FOXP2: variants seen among roughly 807,000 people sequenced by gnomAD.
FOXP2 encodes the protein forkhead box P2.
FOXP2 carries 12 observed loss-of-function variants against 115.8 expected under a neutral mutation model. The observed-to-expected ratio is 0.10, with a 90% confidence interval of 0.07 to 0.17. FOXP2 has a LOEUF of 0.17. FOXP2 is among the 10% of genes least tolerant of loss of function. The pLI, the probability that FOXP2 is intolerant of heterozygous loss-of-function variation, is 1.00. For synonymous variants in FOXP2, 328 were observed against 297.7 expected (o/e 1.10, Z -1.05); for missense variants, 629 against 843.5 (o/e 0.75, Z 3.15).
intron 2 of FOXP2, among the ~76,000 whole-genome samples, chr7:114,354,348 A>G (rs1162344156): frequency 6.6e-6 from 1 of 152,074 alleles, no homozygotes; most frequent in Admixed American, 6.6e-5. Flanking sequence ...TGTGTGATCC[A>G]ATTCCTATAA....
At chr7:114,388,255 T>C (rs116869628) in intron 2 of FOXP2, among the ~76,000 whole-genome samples, 3,275 of 152,260 alleles carry the variant, frequency 0.022, 34 homozygotes, top group Middle Eastern at 0.037. Context: ...AAAGCTGAAT[T>C]GTAAAATGAG....
intron 2 of FOXP2, among the ~76,000 whole-genome samples, chr7:114,485,642 T>G (rs1385291858): frequency 6.6e-6 from 1 of 151,980 alleles, no homozygotes; most frequent in African/African-American, 2.4e-5. Flanking sequence ...CTAATAACAA[T>G]AAGAAGAATA....
chr7:114,263,386 T>C (rs948607271), intron 1 of FOXP2, among the ~76,000 whole-genome samples: 1 of 151,538 alleles, frequency 6.6e-6, no homozygotes, highest in African/African-American at 2.4e-5. Flanking sequence ...CTTCCCCTCT[T>C]TCTTCCTTTT....
At chr7:114,614,655 T>G (rs1013551332) in intron 3 of FOXP2, among the ~76,000 whole-genome samples, 2 of 152,160 alleles carry the variant, frequency 1.3e-5, no homozygotes, top group Non-Finnish European at 2.9e-5. Flanking sequence ...TCTAATGGCA[T>G]TGATGCTAAC....
At chr7:114,489,107 G>A (rs1415531864) in intron 2 of FOXP2, among the ~76,000 whole-genome samples, 4 of 152,254 alleles carry the variant, frequency 2.6e-5, no homozygotes, top group African/African-American at 7.2e-5. Flanking sequence ...GATTTTAGAA[G>A]TTAAAAACCT....
At chr7:114,390,228 A>G (rs1006933582) in intron 2 of FOXP2, among the ~76,000 whole-genome samples, 2 of 152,112 alleles carry the variant, frequency 1.3e-5, no homozygotes, top group African/African-American at 4.8e-5. Flanking sequence ...ATAATGAGTC[A>G]TTATTATTTT....
chr7:114,684,452 A>T (rs1437652988), intron 16 of FOXP2, among the ~76,000 whole-genome samples: 1 of 152,210 alleles, frequency 6.6e-6, no homozygotes, highest in Non-Finnish European at 1.5e-5. Context: ...AATAATGCTT[A>T]TTGACTTGAA....
intron 1 of FOXP2, among the ~76,000 whole-genome samples, chr7:114,270,126 T>A (rs1795998951): frequency 6.6e-6 from 1 of 152,212 alleles, no homozygotes; most frequent in Non-Finnish European, 1.5e-5. Context: ...GTTTAAGGTT[T>A]TTCCATGTCT....
chr7:114,649,265 A>G (rs909204751), intron 8 of FOXP2, among the ~76,000 whole-genome samples: 7 of 152,120 alleles, frequency 4.6e-5, no homozygotes, highest in African/African-American at 1.7e-4. Flanking sequence ...CTTTTGAAGC[A>G]GCCGTAATTT....
Position 114,167,786 on chromosome 7 carries a change from A to G in FOXP2, c.-102+4698A>G, listed in dbSNP as rs111898382. On this transcript the variant is annotated intron_variant, in intron 1 of 17. Coordinates refer to the FOXP2 transcript ENST00000634411. ...CCTGTCTCTACTAAAAATACAAAAA[A>G]TTAGCTGGGCCTGGTGGCGGGTGCC... Among the ~76,000 whole-genome samples, 1,020 of 151,988 alleles carry G rather than the reference A, an allele frequency of 6.7e-3. 15 individuals are homozygous for G. The highest frequency in any genetic ancestry group is 0.023 in the African/African-American group (967 of 41,448).
intron 2 of FOXP2, among the ~76,000 whole-genome samples, chr7:114,445,596 A>G (rs553148972): frequency 3.1e-4 from 47 of 152,324 alleles, no homozygotes; most frequent in African/African-American, 1.1e-3. Flanking sequence ...CTAGTTTTCA[A>G]CTATGTACAT....
chr7:114,495,473 TTCTC>T lies in FOXP2; in HGVS notation c.169-39136_169-39133del, dbSNP rs1422807493. 5.9e-4 allele frequency among the ~76,000 whole-genome samples: 64 copies of T among 108,890 alleles called. 1 individual carries two copies. The highest frequency in any genetic ancestry group is 2.0e-3 in the African/African-American group (58 of 29,178). The allele number at this position is 108,890 out of a possible 152,430, so 71.4% of individuals were successfully genotyped here. ...TTTTCTTTTTTTCTTTGTTTTTTCTTTCTCTCTCTCTTTTTTTTTTTTTTTTTTT... is the reference window on the plus strand; with the variant it reads ...TTTTCTTTTTTTCTTTGTTTTTTCTTTCTCTCTTTTTTTTTTTTTTTTTTT... On this transcript the variant is annotated intron_variant, in intron 2 of 16. Transcript: ENST00000350908.
chr7:114,099,212 A>T (rs546683793), intron 1 of FOXP2, among the ~76,000 whole-genome samples: 1 of 152,296 alleles, frequency 6.6e-6, no homozygotes, highest in South Asian at 2.1e-4. Flanking sequence ...AAAAATAACA[A>T]GACCCGAATA....
At chr7:114,429,597 T>C (rs2129206593) in intron 2 of FOXP2, among the ~76,000 whole-genome samples, 1 of 151,652 alleles carries the variant, frequency 6.6e-6, no homozygotes, top group Admixed American at 6.6e-5. Context: ...GTCACTAAGG[T>C]CAAAATAGTT....
chr7:114,493,667 C>G (rs374774047), intron 2 of FOXP2, among the ~76,000 whole-genome samples: 146 of 152,144 alleles, frequency 9.6e-4, no homozygotes, highest in African/African-American at 3.4e-3. Context: ...TACTCTCTCT[C>G]TCTCTCTCTC....
intron 2 of FOXP2, among the ~76,000 whole-genome samples, chr7:114,345,892 A>G (rs1040182000): frequency 4.0e-5 from 6 of 151,822 alleles, no homozygotes; most frequent in African/African-American, 1.4e-4. Flanking sequence ...TCAAATAAAG[A>G]TGAGTAATAT....
At chr7:114,547,688 G>A (rs1232697171) in intron 3 of FOXP2, among the ~76,000 whole-genome samples, 1 of 152,108 alleles carries the variant, frequency 6.6e-6, no homozygotes, top group African/African-American at 2.4e-5. Flanking sequence ...AAACCCGGGA[G>A]GCGGAGGTTG....
chr7:114,285,876 G>A (rs1474031270), intron 1 of FOXP2, among the ~76,000 whole-genome samples: 3 of 151,804 alleles, frequency 2.0e-5, no homozygotes, highest in Non-Finnish European at 4.4e-5. Flanking sequence ...GGTTTTAGGT[G>A]TTCTCTCAGT....
intron 3 of FOXP2, among the ~76,000 whole-genome samples, chr7:114,591,496 G>T (rs760193027): frequency 6.6e-6 from 1 of 151,932 alleles, no homozygotes; most frequent in Non-Finnish European, 1.5e-5. Flanking sequence ...AGTGAATTAT[G>T]TTCAGTTATA....
Sources: gnomAD v4.1 joint callset for allele counts (sites outside exome capture counted in the v4.1 genomes callset) on GRCh38, gnomAD v4.1.1 for gene constraint, MANE v1.5 for transcripts, NCBI Gene and HGNC (gene_info 2026-07-23, HGNC 2026-07-21) for gene names.